The following RND2 variants were observed in gnomAD, a reference collection of about 807,000 sequenced individuals.
RND2 encodes the protein rho-related GTP-binding protein RhoN.
RND2 carries 16 observed loss-of-function variants against 25.9 expected under a neutral mutation model. That is an observed-to-expected ratio of 0.62 (90% confidence interval 0.42 to 0.94). The LOEUF (loss-of-function observed/expected upper bound fraction) is 0.94. Ranked by LOEUF, RND2 falls within the 40% of genes least tolerant of loss-of-function variation. The probability of loss-of-function intolerance (pLI) is 0.00; values close to 1 mark genes in which losing one functional copy is unlikely to be tolerated. For synonymous variants in RND2, 97 were observed against 118.1 expected (o/e 0.82, Z 1.16); for missense variants, 276 against 305.5 (o/e 0.90, Z 0.72).
At position 43,025,330 on chromosome 17, in the gene RND2, C is replaced by CCCGGG; in HGVS notation, c.-18_-17insCCGGG. On this transcript the variant is annotated 5_prime_UTR_variant, in exon 1 of 5. An upstream open reading frame in the 5' UTR loses its in-frame stop. Transcript: ENST00000587250. Reference sequence around the variant, plus strand: ...CCGGGAGAGGGGTGGCGTGGGGGACCGGCGCGTAGCCGGGACCATGGAGGG... The same window carrying CCCGGG: ...CCGGGAGAGGGGTGGCGTGGGGGACCCCGGGGGCGCGTAGCCGGGACCATGGAGGG... 6.6e-7 allele frequency: 1 copy of CCCGGG among 1,523,724 alleles called. No homozygotes were observed. The highest frequency in any genetic ancestry group is 8.8e-7 in the Non-Finnish European group (1 of 1,135,602). 94.4% of individuals were successfully genotyped at this position (1,523,724 alleles called of 1,614,324 possible). A position where few individuals can be genotyped will look rare whatever the true frequency, so the allele number is the denominator to read the frequency against.
Position 43,028,524 on chromosome 17 carries a change from G to A in RND2, c.528G>A (p.Val176=), listed in dbSNP as rs1442738019. 6.2e-7 allele frequency: 1 copy of A among 1,614,238 alleles called. No individual in the cohort carries two copies. The highest frequency in any genetic ancestry group is 1.1e-5 in the South Asian group (1 of 91,086). ...SERSVRDVFH[V]ATVASLGRGH... ...GCAGCGTCAGGGATGTCTTCCATGT[G>A]GCTACAGTGGCCTCCCTTGGCCGTG... The change falls in exon 5 of 5, where the codon GTG becomes GTA. Residue 176 remains valine, a synonymous_variant. Coordinates refer to ENST00000587250, the MANE Select transcript of RND2 (RefSeq NM_005440.5).
Position 43,028,097 on chromosome 17 carries a change from A to G in RND2, c.337A>G (p.Lys113Glu). 1.2e-6 allele frequency: 2 copies of G among 1,614,070 alleles called. No individual in the cohort carries two copies. The highest frequency in any genetic ancestry group is 1.7e-6 in the Non-Finnish European group (2 of 1,179,986). The change falls in exon 4 of 5, where the codon AAG becomes GAG. Residue 113 changes from lysine (K) to glutamate (E), a missense_variant. Physicochemically the swap from Lys to Glu is moderately conservative, Grantham distance 56. Coordinates refer to ENST00000587250, the MANE Select transcript of RND2 (RefSeq NM_005440.5). ...GACTCAAGAGTTCTGCCCCAATGCC[A>G]AGGTTGTGCTGGTTGGCTGTAAACT... The part of the protein sequence containing the change: ...GETQEFCPNA[K>E]VVLVGCKLDM...
chr17:43,027,612 G>C (rs536326336), intron 3 of RND2, among the ~76,000 whole-genome samples: 2 of 152,286 alleles, frequency 1.3e-5, no homozygotes, highest in South Asian at 4.1e-4. Context: ...TGGGAAGCCT[G>C]ATCCTGGAGC....
chr17:43,026,923 C>T (rs976433920), intron 2 of RND2, among the ~76,000 whole-genome samples: 3 of 152,212 alleles, frequency 2.0e-5, no homozygotes, highest in African/African-American at 7.2e-5. Flanking sequence ...CAAAGGGGTC[C>T]AAACCTCAGT....
At chr17:43,026,942 A>G (rs185950115) in intron 2 of RND2, among the ~76,000 whole-genome samples, 1 of 152,334 alleles carries the variant, frequency 6.6e-6, no homozygotes, top group Admixed American at 6.5e-5. Flanking sequence ...GTCAAGAATA[A>G]AAATTATTAC....
chr17:43,028,470 T>C lies in RND2; in HGVS notation c.474T>C (p.Tyr158=), dbSNP rs1567750434. Residue 158 remains tyrosine (Y), a synonymous_variant, in exon 5 of 5, where the codon TAT becomes TAC. Coordinates refer to ENST00000587250, the MANE Select transcript of RND2 (RefSeq NM_005440.5). Reference sequence around the variant, plus strand: ...CCAAGCAGGTGGGGGCTGTGTCCTATGTTGAGTGCTCCTCCCGGTCCTCTG... The same window carrying C: ...CCAAGCAGGTGGGGGCTGTGTCCTACGTTGAGTGCTCCTCCCGGTCCTCTG... The part of the protein sequence containing the change: ...VLAKQVGAVS[Y]VECSSRSSER... 6.2e-7 allele frequency: 1 copy of C among 1,614,174 alleles called. No individual in the cohort carries two copies. The highest frequency in any genetic ancestry group is 8.5e-7 in the Non-Finnish European group (1 of 1,180,020).
chr17:43,025,881 G>A (rs962220888), intron 1 of RND2, 79 bp from the exon 2 acceptor site: 15 of 1,078,664 alleles, frequency 1.4e-5, no homozygotes, highest in Non-Finnish European at 2.1e-5. Context: ...GGCTGGACGG[G>A]GTGTGGGAGT....
At chr17:43,026,164 G>A in intron 2 of RND2, 117 bp downstream of exon 2, 1 of 631,672 alleles carries the variant, frequency 1.6e-6, no homozygotes, top group Non-Finnish European at 2.8e-6. Context: ...CCAACAGGAA[G>A]GGAAAAATCA....
chr17:43,027,923 TCCTC>T, intron 3 of RND2, 134 bp from the exon 4 acceptor site: 1 of 1,016,960 alleles, frequency 9.8e-7, no homozygotes, highest in Non-Finnish European at 1.4e-6. Flanking sequence ...CTCACCTCCT[TCCTC>T]ATGTGGGAGA....
intron 3 of RND2, among the ~76,000 whole-genome samples, chr17:43,027,514 G>T (rs570724354): frequency 6.6e-6 from 1 of 152,144 alleles, no homozygotes; most frequent in Non-Finnish European, 1.5e-5. Flanking sequence ...TAGGGGAGGT[G>T]GGGGAGTGAA....
At chr17:43,026,484 C>T (rs2050623772) in intron 2 of RND2, among the ~76,000 whole-genome samples, 1 of 152,056 alleles carries the variant, frequency 6.6e-6, no homozygotes, top group Admixed American at 6.6e-5. Flanking sequence ...AACTCCGTCT[C>T]TACTAAAAAT....
Position 43,028,616 on chromosome 17 carries a change from G to C in RND2, c.620G>C (p.Arg207Pro), listed in dbSNP as rs779562018. 3 of 1,612,378 alleles carry C rather than the reference G, an allele frequency of 1.9e-6. No homozygotes were observed. The highest frequency in any genetic ancestry group is 2.5e-6 in the Non-Finnish European group (3 of 1,179,350). ...CAGCGATCCGCTCAGCTGTCAGGAC[G>C]GCCAGACCGGGGGAATGAGGGCGAG... ...GMQRSAQLSG[R>P]PDRGNEGEIH... The change falls in exon 5 of 5, where the codon CGG (arginine) becomes CCG (proline). Residue 207 changes from arginine to proline, a missense_variant. Arg to Pro is a moderately radical substitution (Grantham distance 103). Coordinates refer to ENST00000587250, the MANE Select transcript of RND2 (RefSeq NM_005440.5).
intron 2 of RND2, among the ~76,000 whole-genome samples, chr17:43,026,523 GCC>G (rs1286228972): frequency 6.6e-6 from 1 of 152,146 alleles, no homozygotes; most frequent in African/African-American, 2.4e-5. Context: ...TGTGGCACGT[GCC>G]TGTAATCTCA....
rs1186924950 is a variant in RND2, at chr17:43,028,888, GC to G, written c.*209del. ...CTCTTCTCCAGTGGATGTTGAGGGA[GC>G]TAACAGGGCTGGCATCTGGGGCATG... is the stretch of plus-strand genomic sequence containing the variant. On this transcript the variant is annotated 3_prime_UTR_variant, in exon 5 of 5. Coordinates refer to ENST00000587250, the MANE Select transcript of RND2 (RefSeq NM_005440.5). The G allele has an allele frequency of 6.9e-6, 5 of 722,242 alleles. No individual in the cohort carries two copies. Among genetic ancestry groups the G allele is most frequent in the Non-Finnish European group, 1.1e-5 (5 of 457,032 alleles). 44.7% of individuals were successfully genotyped at this position (722,242 alleles called of 1,614,324 possible).
Position 43,029,584 on chromosome 17 carries a change from C to G in RND2, c.*904C>G, listed in dbSNP as rs1042143087. 1 of 152,334 alleles carries G rather than the reference C, an allele frequency of 6.6e-6. No homozygotes were observed. Among genetic ancestry groups the G allele is most frequent in the Non-Finnish European group, 1.5e-5 (1 of 68,246 alleles). 9.4% of individuals were successfully genotyped at this position (152,334 alleles called of 1,614,324 possible). A position where few individuals can be genotyped will look rare whatever the true frequency, so the allele number is the denominator to read the frequency against. Reference sequence around the variant, plus strand: ...CCCCTGGCTTGGAGCCTGCTGGTACCCTGGGGGTTGTGGGGATAAGGAGGC... The same window carrying G: ...CCCCTGGCTTGGAGCCTGCTGGTACGCTGGGGGTTGTGGGGATAAGGAGGC... On this transcript the variant is annotated 3_prime_UTR_variant, in exon 5 of 5. Coordinates refer to ENST00000587250, the MANE Select transcript of RND2 (RefSeq NM_005440.5).
intron 2 of RND2, among the ~76,000 whole-genome samples, chr17:43,026,576 G>A (rs1000709241): frequency 6.6e-6 from 1 of 152,210 alleles, no homozygotes; most frequent in Non-Finnish European, 1.5e-5. Flanking sequence ...TGGAACCTGG[G>A]AGGCGGAGGC....
intron 3 of RND2, among the ~76,000 whole-genome samples, 196 bp from the exon 4 acceptor site, chr17:43,027,865 C>T (rs1259340389): frequency 4.6e-5 from 7 of 152,194 alleles, no homozygotes; most frequent in East Asian, 3.9e-4. Flanking sequence ...CTCTCCTCCC[C>T]GCTGCTTCTC....
At position 43,028,639 on chromosome 17, in the gene RND2, G is replaced by C; in HGVS notation, c.643G>C (p.Glu215Gln). The C allele has an allele frequency of 1.2e-6, 2 of 1,604,580 alleles. No homozygotes were observed. Among genetic ancestry groups the C allele is most frequent in the South Asian group, 1.1e-5 (1 of 89,918 alleles). The change falls in exon 5 of 5, where the codon GAG (glutamate) becomes CAG (glutamine). Residue 215 changes from glutamate to glutamine, a missense_variant. Glu to Gln is a conservative substitution (Grantham distance 29). Transcript: ENST00000587250. ...SGRPDRGNEG[E>Q]IHKDRAKSCN... ...ACGGCCAGACCGGGGGAATGAGGGC[G>C]AGATACACAAGGATCGAGCCAAAAG...
At position 43,028,324 on chromosome 17, in the gene RND2, G is replaced by A. The variant is rs1014418738; in HGVS notation, c.436-108G>A. On this transcript the variant is annotated intron_variant, in intron 4 of 4. Coordinates refer to ENST00000587250, the MANE Select transcript of RND2 (RefSeq NM_005440.5). Reference sequence around the variant, plus strand: ...TCTGTGACCTCTGACCTGATCCCTTGACTGCCCCCAGCCTTGACATTCAAC... The same window carrying A: ...TCTGTGACCTCTGACCTGATCCCTTAACTGCCCCCAGCCTTGACATTCAAC... The A allele has an allele frequency of 1.4e-5, 22 of 1,580,990 alleles. No homozygotes were observed. In the South Asian group the frequency reaches 2.5e-4, roughly 18 times the overall value.
Sources: allele counts gnomAD v4.1 joint callset (sites outside exome capture counted in the v4.1 genomes callset), GRCh38; gene constraint gnomAD v4.1.1; transcripts MANE v1.5; gene names NCBI Gene and HGNC (gene_info 2026-07-23, HGNC 2026-07-21).